Variants in ZRANB3 observed in about 807,000 individuals in gnomAD.
ZRANB3 encodes zinc finger RANBP2-type containing 3, also known as DNA annealing helicase and endonuclease ZRANB3.
ZRANB3 carries 125 observed loss-of-function variants against 133.8 expected under a neutral mutation model. The observed-to-expected ratio is 0.93, with a 90% CI of 0.81 to 1.08. ZRANB3 has a LOEUF of 1.08. ZRANB3 is among the 50% of genes least tolerant of loss of function. ZRANB3 has a pLI of 0.00. For missense variants in ZRANB3, 1,229 were observed against 1,275.5 expected (o/e 0.96, Z 0.56); for synonymous variants, 387 against 432.7 (o/e 0.89, Z 1.31).
chr2:135,413,364 C>T (rs72984497), intron 2 of ZRANB3, among the ~76,000 whole-genome samples: 10,503 of 152,198 alleles, frequency 0.069, 759 homozygotes, highest in African/African-American at 0.19. Context: ...GTACAACATC[C>T]TAATTCAAAG....
intron 12 of ZRANB3, among the ~76,000 whole-genome samples, chr2:135,235,092 T>C (rs538871707): frequency 1.9e-3 from 290 of 152,196 alleles, no homozygotes; most frequent in African/African-American, 6.6e-3. Flanking sequence ...CAATAAAAAA[T>C]GATAAAGGGG....
At chr2:135,487,398 C>G (rs1362514270) in intron 2 of ZRANB3, among the ~76,000 whole-genome samples, 1 of 152,188 alleles carries the variant, frequency 6.6e-6, no homozygotes, top group Non-Finnish European at 1.5e-5. Context: ...GCTGCACTAG[C>G]CCCTAACAAG....
intron 2 of ZRANB3, among the ~76,000 whole-genome samples, chr2:135,470,024 A>AG (rs1213124283): frequency 1.3e-5 from 2 of 150,266 alleles, no homozygotes; most frequent in African/African-American, 4.9e-5. Context: ...AAAAAAAAAA[A>AG]AAAGAAAGAA....
At chr2:135,271,326 A>G in intron 10 of ZRANB3, 3 of 471,480 alleles carry the variant, frequency 6.4e-6, no homozygotes, top group Non-Finnish European at 1.3e-5. Flanking sequence ...TAAGGGACAA[A>G]ACAGAAGCAC....
chr2:135,286,319 C>T (rs532749440), intron 8 of ZRANB3, among the ~76,000 whole-genome samples: 1 of 152,304 alleles, frequency 6.6e-6, no homozygotes, highest in African/African-American at 2.4e-5. Flanking sequence ...GCTTTGCCAC[C>T]CAGGCTGGAG....
At chr2:135,277,663 G>A (rs937312921) in intron 8 of ZRANB3, among the ~76,000 whole-genome samples, 2 of 152,120 alleles carry the variant, frequency 1.3e-5, no homozygotes, top group South Asian at 2.1e-4. Context: ...GGGGGCTCAC[G>A]CCTGTAATCC....
chr2:135,485,667 C>T (rs751984539), intron 2 of ZRANB3, among the ~76,000 whole-genome samples: 22 of 152,260 alleles, frequency 1.4e-4, no homozygotes, highest in Middle Eastern at 3.4e-3. Flanking sequence ...TTCCAGATCA[C>T]GTCAACAAAG....
chr2:135,384,404 C>T (rs1318279797), intron 3 of ZRANB3, among the ~76,000 whole-genome samples: 2 of 152,158 alleles, frequency 1.3e-5, no homozygotes, highest in Non-Finnish European at 2.9e-5. Context: ...CAGCCGAATT[C>T]TACCAGAGGT....
At chr2:135,271,647 A>G in intron 10 of ZRANB3, 121 bp downstream of exon 10, 1 of 1,164,980 alleles carries the variant, frequency 8.6e-7, no homozygotes, top group East Asian at 2.6e-5. Flanking sequence ...AAGAATTACT[A>G]TTTATTATAC....
At chr2:135,393,182 T>G (rs1347152253) in intron 2 of ZRANB3, among the ~76,000 whole-genome samples, 3 of 152,082 alleles carry the variant, frequency 2.0e-5, no homozygotes, top group African/African-American at 7.2e-5. Context: ...TAAATATCTT[T>G]ACAAAAAATA....
chr2:135,411,923 A>G (rs926665307), intron 2 of ZRANB3, among the ~76,000 whole-genome samples: 5 of 152,192 alleles, frequency 3.3e-5, no homozygotes, highest in African/African-American at 1.2e-4. Flanking sequence ...TTTTTTAAAA[A>G]AGAAGTGACT....
chr2:135,390,967 T>A (rs1687206995), intron 2 of ZRANB3, 147 bp from the exon 3 acceptor site: 1 of 797,802 alleles, frequency 1.3e-6, no homozygotes, highest in Admixed American at 3.4e-5. Flanking sequence ...TCCAAGTGAT[T>A]CTCCTGCCTC....
intron 8 of ZRANB3, among the ~76,000 whole-genome samples, chr2:135,281,779 A>T (rs2104782132): frequency 6.6e-6 from 1 of 152,320 alleles, no homozygotes; most frequent in East Asian, 1.9e-4. Context: ...ATTGTGTATC[A>T]TCACAAAAAT....
intron 2 of ZRANB3, among the ~76,000 whole-genome samples, chr2:135,432,487 A>G (rs1689364759): frequency 6.6e-6 from 1 of 152,306 alleles, no homozygotes; most frequent in East Asian, 1.9e-4. Context: ...AGTAAAATGC[A>G]ATTTTATAAG....
chr2:135,246,250 G>T (rs1338305916), intron 12 of ZRANB3, among the ~76,000 whole-genome samples: 1 of 151,812 alleles, frequency 6.6e-6, no homozygotes, highest in Non-Finnish European at 1.5e-5. Context: ...AACTCATGGA[G>T]ACTCAAGCAG....
intron 3 of ZRANB3, among the ~76,000 whole-genome samples, chr2:135,370,158 T>G (rs1344323798): frequency 6.6e-6 from 1 of 151,988 alleles, no homozygotes; most frequent in Non-Finnish European, 1.5e-5. Context: ...TTTTACCTAT[T>G]GTTCTATAAT....
At chr2:135,265,417 G>A (rs1281961488) in intron 12 of ZRANB3, 117 bp downstream of exon 12, 2 of 1,163,834 alleles carry the variant, frequency 1.7e-6, no homozygotes, top group Non-Finnish European at 2.3e-6. Flanking sequence ...CCAGCTTTAT[G>A]TGAAGTCTCC....
intron 2 of ZRANB3, among the ~76,000 whole-genome samples, chr2:135,483,499 C>G (rs948057545): frequency 6.6e-6 from 1 of 151,834 alleles, no homozygotes; most frequent in East Asian, 1.9e-4. Context: ...CTATTTGATT[C>G]TTCTCTCTTT....
chr2:135,401,526 ATC>A lies in ZRANB3; in HGVS notation c.162-10708_162-10707del, dbSNP rs1376670930. 3.3e-5 allele frequency among the ~76,000 whole-genome samples: 5 copies of A among 152,136 alleles called. No individual in the cohort carries two copies. The East Asian group carries it at 9.7e-4, about 29-fold the overall frequency. ...GGTGAACTAAACCTCTCCTTTTCCAATCTCTTTTTCAACTAGCTGTGGTTATA... is the reference window on the plus strand; with the variant it reads ...GGTGAACTAAACCTCTCCTTTTCCAATCTTTTTCAACTAGCTGTGGTTATA... On this transcript the variant is annotated intron_variant, in intron 2 of 20. Coordinates refer to ENST00000264159, the MANE Select transcript of ZRANB3 (RefSeq NM_032143.4).
Sources: gnomAD v4.1 joint callset for allele counts (sites outside exome capture counted in the v4.1 genomes callset) on GRCh38, gnomAD v4.1.1 for gene constraint, MANE v1.5 for transcripts, NCBI Gene and HGNC (gene_info 2026-07-23, HGNC 2026-07-21) for gene names.